The following MAN1A1 variants were observed in gnomAD, a reference collection of about 807,000 sequenced individuals.
MAN1A1 encodes mannosidase alpha class 1A member 1, also known as mannosyl-oligosaccharide 1,2-alpha-mannosidase IA.
A neutral mutation model predicts 70.8 loss-of-function variants in MAN1A1; 29 were observed. That is an observed-to-expected ratio of 0.41 (90% CI 0.31 to 0.56). The LOEUF (loss-of-function observed/expected upper bound fraction) is 0.56. Ranked by LOEUF, MAN1A1 falls within the 20% of genes least tolerant of loss-of-function variation. MAN1A1 has a pLI of 0.29. For missense variants in MAN1A1, 747 were observed against 841.3 expected (o/e 0.89, Z 1.39); for synonymous variants, 349 against 330.1 (o/e 1.06, Z -0.62).
In MAN1A1 at chr6:119,256,410, C is replaced by CT. The variant is rs1554209068; in HGVS notation, c.898-8057_898-8056insA. ...TAAATGAATGAATAAAATTGTATCTCATTATTTTTTTTTTTTTCATGAGAG... is the reference window on the plus strand; with the variant it reads ...TAAATGAATGAATAAAATTGTATCTCTATTATTTTTTTTTTTTTCATGAGAG... On this transcript the variant is annotated intron_variant, in intron 5 of 12. Coordinates refer to ENST00000368468, the MANE Select transcript of MAN1A1 (RefSeq NM_005907.4). Among the ~76,000 whole-genome samples, 4 of 89,882 alleles carry CT rather than the reference C, an allele frequency of 4.5e-5. 1 individual carries two copies. The highest frequency in any genetic ancestry group is 5.0e-5 in the Non-Finnish European group (2 of 40,392). The allele number at this position is 89,882 out of a possible 152,430, so 59.0% of individuals were successfully genotyped here. A position where few individuals can be genotyped will look rare whatever the true frequency, so the allele number is the denominator to read the frequency against.
chr6:119,324,027 CTG>C (rs1265595890), intron 2 of MAN1A1, among the ~76,000 whole-genome samples: 1 of 152,204 alleles, frequency 6.6e-6, no homozygotes. Context: ...TTAACTCTCA[CTG>C]TGTTTCAACA....
chr6:119,274,960 G>A, intron 5 of MAN1A1, among the ~76,000 whole-genome samples: 1 of 152,174 alleles, frequency 6.6e-6, no homozygotes, highest in East Asian at 1.9e-4. Context: ...AGACTTAAGT[G>A]CAATGAATAA....
At position 119,180,429 on chromosome 6, in the gene MAN1A1, T is replaced by A; in HGVS notation, c.1720-2A>T. 1.3e-6 allele frequency: 2 copies of A among 1,515,186 alleles called. No homozygotes were observed. The highest frequency in any genetic ancestry group is 1.8e-6 in the Non-Finnish European group (2 of 1,102,800). The allele number at this position is 1,515,186 out of a possible 1,614,324, so 93.9% of individuals were successfully genotyped here. ...CACTCTGCAATGGTTTTCCAAGGCC[T>A]AAATTATAGAGGAGGAAAAAAAAAA... On this transcript the variant is annotated splice_acceptor_variant, in intron 11 of 12. Transcript: ENST00000368468. LOFTEE classifies it high-confidence loss of function.
At chr6:119,318,521 A>G (rs1239496117) in intron 2 of MAN1A1, among the ~76,000 whole-genome samples, 1 of 152,224 alleles carries the variant, frequency 6.6e-6, no homozygotes, top group Non-Finnish European at 1.5e-5. Context: ...CTGTTGATAT[A>G]TATCTTTGTA....
rs772633553 is a variant in MAN1A1 at position 119,306,893 on chromosome 6, C to A, written c.700+3G>T. 6.4e-7 allele frequency: 1 copy of A among 1,561,404 alleles called. No individual in the cohort carries two copies. The highest frequency in any genetic ancestry group is 1.4e-5 in the African/African-American group (1 of 73,722). ...ACTAAGAAACCAAAGCACATCTACT[C>A]ACCAAACAAACTGCTTGAATGGCCT... On this transcript the variant is annotated splice_donor_region_variant and intron_variant, in intron 3 of 12. Coordinates refer to ENST00000368468, the MANE Select transcript of MAN1A1 (RefSeq NM_005907.4).
At chr6:119,289,831 C>A (rs575010179) in intron 5 of MAN1A1, among the ~76,000 whole-genome samples, 49 of 152,104 alleles carry the variant, frequency 3.2e-4, no homozygotes, top group African/African-American at 1.1e-3. Context: ...AGGAGCATAG[C>A]AATACATGAA....
intron 2 of MAN1A1, among the ~76,000 whole-genome samples, chr6:119,346,546 C>T (rs1408716812): frequency 1.3e-5 from 2 of 152,188 alleles, no homozygotes; most frequent in Admixed American, 6.5e-5. Flanking sequence ...ACAGAGACTA[C>T]GTAAATCTCG....
intron 6 of MAN1A1, among the ~76,000 whole-genome samples, chr6:119,243,528 T>C (rs981186386): frequency 2.2e-4 from 33 of 152,052 alleles, no homozygotes; most frequent in Non-Finnish European, 3.7e-4. Flanking sequence ...TATTTAAACA[T>C]TTTATACCAC....
chr6:119,343,790 C>T (rs1474348319), intron 2 of MAN1A1, among the ~76,000 whole-genome samples: 1 of 152,200 alleles, frequency 6.6e-6, no homozygotes, highest in South Asian at 2.1e-4. Context: ...TAATCAAACC[C>T]TTCTTTGACC....
intron 4 of MAN1A1, among the ~76,000 whole-genome samples, chr6:119,299,526 T>C (rs1414327979): frequency 6.6e-6 from 1 of 152,066 alleles, no homozygotes; most frequent in Admixed American, 6.5e-5. Context: ...AAAACTATCA[T>C]TAACAGGCCT....
intron 6 of MAN1A1, among the ~76,000 whole-genome samples, chr6:119,214,430 G>A (rs988243560): frequency 3.3e-5 from 5 of 152,150 alleles, no homozygotes; most frequent in African/African-American, 1.2e-4. Context: ...TTCAAAATAT[G>A]TCAGTGTTGA....
chr6:119,300,314 G>A (rs1489599882), intron 4 of MAN1A1, among the ~76,000 whole-genome samples: 1 of 151,186 alleles, frequency 6.6e-6, no homozygotes, highest in Admixed American at 6.6e-5. Flanking sequence ...GGAGTGCAGT[G>A]GTGCAATCAC....
chr6:119,180,182 C>A (rs1249544440), intron 12 of MAN1A1, 130 bp downstream of exon 12: 2 of 735,594 alleles, frequency 2.7e-6, no homozygotes, highest in Non-Finnish European at 2.3e-6. Context: ...AATATACCTG[C>A]AATTATAGCC....
chr6:119,183,441 T>C (rs1464790760), intron 11 of MAN1A1, among the ~76,000 whole-genome samples: 1 of 151,842 alleles, frequency 6.6e-6, no homozygotes, highest in African/African-American at 2.4e-5. Context: ...ACCAGATATG[T>C]AGAATAAGCC....
chr6:119,215,691 A>G (rs1376077323), intron 6 of MAN1A1, among the ~76,000 whole-genome samples: 2 of 152,320 alleles, frequency 1.3e-5, no homozygotes, highest in East Asian at 3.9e-4. Flanking sequence ...TAAGTATAAT[A>G]ACAATATTTT....
At chr6:119,328,497 TTAAC>T (rs1257924357) in intron 2 of MAN1A1, among the ~76,000 whole-genome samples, 4 of 152,200 alleles carry the variant, frequency 2.6e-5, no homozygotes, top group Admixed American at 2.6e-4. Context: ...TGTGCTGCCT[TTAAC>T]ACTAAGAAAG....
intron 5 of MAN1A1, among the ~76,000 whole-genome samples, chr6:119,256,492 G>A (rs1049589711): frequency 2.6e-5 from 4 of 151,194 alleles, no homozygotes; most frequent in African/African-American, 9.7e-5. Flanking sequence ...AAGTTAAGGA[G>A]GCAAGATGAA....
chr6:119,269,497 G>T (rs1322773014), intron 5 of MAN1A1: 4 of 181,554 alleles, frequency 2.2e-5, no homozygotes, highest in East Asian at 1.6e-4. Flanking sequence ...TCTGCCAAAA[G>T]ATGCAGATGG....
At chr6:119,194,427 G>C (rs1398010592) in intron 8 of MAN1A1, among the ~76,000 whole-genome samples, 1 of 152,116 alleles carries the variant, frequency 6.6e-6, no homozygotes, top group Non-Finnish European at 1.5e-5. Flanking sequence ...GAGCTCAAGT[G>C]ATCCTCCTGC....
Sources: allele counts gnomAD v4.1 joint callset (sites outside exome capture counted in the v4.1 genomes callset), GRCh38; gene constraint gnomAD v4.1.1; transcripts MANE v1.5; gene names NCBI Gene and HGNC (gene_info 2026-07-23, HGNC 2026-07-21).